SLC9B1: variants seen among roughly 807,000 people sequenced by gnomAD.
SLC9B1 encodes sodium/hydrogen exchanger 9B1.
A neutral mutation model predicts 51.7 loss-of-function variants in SLC9B1; 32 were observed. That is an observed-to-expected ratio of 0.62 (90% CI 0.47 to 0.83). The LOEUF is 0.83. Ranked by LOEUF, SLC9B1 falls within the 40% of genes least tolerant of loss-of-function variation. The pLI is 0.00. For synonymous variants in SLC9B1, 145 were observed against 212.7 expected (o/e 0.68, Z 2.77); for missense variants, 406 against 613.2 (o/e 0.66, Z 3.57).
chr4:103,010,209 T>C (rs1202784399), intron 1 of SLC9B1, among the ~76,000 whole-genome samples: 5 of 148,590 alleles, frequency 3.4e-5, no homozygotes, highest in Non-Finnish European at 5.9e-5. Flanking sequence ...TTTCTCATAG[T>C]TCTGGAGGCT....
exon 12 of SLC9B1, chr4:102,885,152 TA>T: frequency 9.6e-6 from 3 of 312,800 alleles, no homozygotes; most frequent in East Asian, 9.1e-5. Flanking sequence ...AGGATGAAAC[TA>T]GACATGCTAT....
intron 1 of SLC9B1, among the ~76,000 whole-genome samples, chr4:103,015,256 CA>C (rs1741257685): frequency 7.6e-6 from 1 of 131,488 alleles, no homozygotes. Context: ...CAGCCTATGA[CA>C]GTTTATAATT....
intron 8 of SLC9B1, 72 bp downstream of exon 8, chr4:102,911,359 A>T: frequency 9.8e-7 from 1 of 1,022,606 alleles, no homozygotes; most frequent in South Asian, 1.5e-5. Context: ...AATTTCATCG[A>T]CCTTACCAAA....
At chr4:102,984,163 C>G (rs1389053012) in intron 3 of SLC9B1, among the ~76,000 whole-genome samples, 1 of 152,108 alleles carries the variant, frequency 6.6e-6, no homozygotes, top group African/African-American at 2.4e-5. Flanking sequence ...GTCACCCACA[C>G]TGAAATACAG....
At chr4:102,896,911 A>G (rs1438757701), downstream of SLC9B1, 1 of 153,428 alleles carries the variant, frequency 6.5e-6, no homozygotes, top group African/African-American at 2.4e-5. Flanking sequence ...AGAGTTAAAA[A>G]GTTCACCAAT....
At chr4:102,898,004 A>C, downstream of SLC9B1, 1 of 404,890 alleles carries the variant, frequency 2.5e-6, no homozygotes, top group Non-Finnish European at 4.8e-6. Flanking sequence ...TCCTCCTCAA[A>C]AGCAAAAGCA....
Position 102,901,062 on chromosome 4 carries a change from T to G in SLC9B1, c.*55A>C. 1.2e-6 allele frequency: 2 copies of G among 1,605,810 alleles called. No homozygotes were observed. Among genetic ancestry groups the G allele is most frequent in the Non-Finnish European group, 1.7e-6 (2 of 1,178,322 alleles). The stretch of plus-strand genomic sequence containing the variant: ...ACATATTTCTACTTTAAAATTCTTC[T>G]GTCATGTGAAATAATTCATTAAAAG... On this transcript the variant is annotated 3_prime_UTR_variant, in exon 12 of 12. Transcript: ENST00000296422.
chr4:102,958,135 A>G lies in SLC9B1; in HGVS notation c.212-8708T>C, dbSNP rs144620782. Among the ~76,000 whole-genome samples, 405 of 152,238 alleles carry G rather than the reference A, an allele frequency of 2.7e-3. 3 individuals carry two copies. Among genetic ancestry groups the G allele is most frequent in the Admixed American group, 0.019 (284 of 15,278 alleles). On this transcript the variant is annotated intron_variant, in intron 3 of 11. Coordinates refer to ENST00000296422, the MANE Select transcript of SLC9B1 (RefSeq NM_139173.4). ...ATCTCATGTTGAATTGTAATCCCCA[A>G]TGTTGGAGATAGGTCCTGCTGGGAG...
intron 2 of SLC9B1, 107 bp downstream of exon 2, chr4:102,991,536 T>A: frequency 2.8e-6 from 2 of 708,656 alleles, no homozygotes; most frequent in Non-Finnish European, 4.3e-6. Context: ...ACTTTTCATT[T>A]TTAACCAGAT....
chr4:102,931,959 T>C (rs1736480873), intron 7 of SLC9B1, among the ~76,000 whole-genome samples, 165 bp downstream of exon 7: 1 of 152,232 alleles, frequency 6.6e-6, no homozygotes, highest in Non-Finnish European at 1.5e-5. Flanking sequence ...CTTAAGCCAC[T>C]GAAATATCTT....
At chr4:102,903,160 G>A (rs7679368) in intron 11 of SLC9B1, among the ~76,000 whole-genome samples, 4,224 of 152,196 alleles carry the variant, frequency 0.028, 185 homozygotes, top group African/African-American at 0.092. Context: ...GGACTCGAGT[G>A]AGTGGTCTCT....
chr4:103,019,190 G>A (rs1038923245), intron 1 of SLC9B1, among the ~76,000 whole-genome samples: 6 of 152,086 alleles, frequency 3.9e-5, no homozygotes, highest in Admixed American at 2.0e-4. Context: ...TCTCAGGATC[G>A]GCAACCAATC....
intron 3 of SLC9B1, among the ~76,000 whole-genome samples, chr4:102,972,966 A>G (rs1738843062): frequency 1.3e-5 from 2 of 152,198 alleles, no homozygotes. Flanking sequence ...AATCGTGAAT[A>G]GAATAGAACT....
intron 1 of SLC9B1, among the ~76,000 whole-genome samples, chr4:103,013,517 A>G (rs1741181370): frequency 2.0e-5 from 3 of 152,174 alleles, no homozygotes. Flanking sequence ...CTCAACATCT[A>G]TTCTACTATT....
At chr4:102,960,304 G>A (rs1237457938) in intron 3 of SLC9B1, among the ~76,000 whole-genome samples, 1 of 151,482 alleles carries the variant, frequency 6.6e-6, no homozygotes, top group African/African-American at 2.4e-5. Context: ...AAGAAGGATA[G>A]GTAAAGGGCA....
At chr4:102,991,787 TG>T in intron 1 of SLC9B1, 75 bp from the exon 2 acceptor site, 1 of 1,036,044 alleles carries the variant, frequency 9.7e-7, no homozygotes, top group Non-Finnish European at 1.4e-6. Context: ...CATGGTTAAG[TG>T]GGATTAATTT....
chr4:102,974,407 A>G (rs7681629), intron 3 of SLC9B1, among the ~76,000 whole-genome samples: 87,064 of 151,450 alleles, frequency 0.57, 26,287 homozygotes, highest in African/African-American at 0.77. Flanking sequence ...AATAAAATAG[A>G]CACACTTCTG....
At chr4:102,913,796 T>TAAAAAAAAAAAAAAAAAAAAAAA (rs61244946) in intron 7 of SLC9B1, among the ~76,000 whole-genome samples, 1 of 71,448 alleles carries the variant, frequency 1.4e-5, no homozygotes, top group Non-Finnish European at 2.8e-5. Flanking sequence ...AGATAGAAAC[T>TAAAAAAAAAAAAAAAAAAAAAAA]AAAAAAAAAA....
chr4:102,956,834 T>C (rs3974481), intron 3 of SLC9B1, among the ~76,000 whole-genome samples: 82,780 of 151,928 alleles, frequency 0.54, 23,107 homozygotes, highest in African/African-American at 0.68. Flanking sequence ...GAAAATATGG[T>C]TCATACTCTG....
Sources: gnomAD v4.1 joint callset for allele counts (sites outside exome capture counted in the v4.1 genomes callset) on GRCh38, gnomAD v4.1.1 for gene constraint, MANE v1.5 for transcripts, NCBI Gene and HGNC (gene_info 2026-07-23, HGNC 2026-07-21) for gene names.